The following CTNNA3 variants were observed in gnomAD, a reference collection of about 807,000 sequenced individuals.
CTNNA3 encodes catenin alpha-3.
A neutral mutation model predicts 95.7 loss-of-function variants in CTNNA3; 76 were observed. The observed-to-expected ratio is 0.79, with a 90% confidence interval of 0.66 to 0.96. CTNNA3 has a LOEUF of 0.96. CTNNA3 is among the 40% of genes least tolerant of loss of function. The pLI is 0.00. For missense variants in CTNNA3, 1,191 were observed against 1,089.8 expected, an observed-to-expected ratio of 1.09 and a Z score of -1.31; for synonymous variants, 431 against 374.4, an observed-to-expected ratio of 1.15 and a Z score of -1.74.
intron 7 of CTNNA3, among the ~76,000 whole-genome samples, chr10:66,840,338 TC>T (rs1486667866): frequency 9.4e-6 from 1 of 106,580 alleles, no homozygotes; most frequent in Non-Finnish European, 1.8e-5. Flanking sequence ...TCTCTCTCTC[TC>T]TCTCTCTCTC....
At chr10:66,296,245 CCT>C (rs1418935593) in intron 12 of CTNNA3, among the ~76,000 whole-genome samples, 2 of 151,808 alleles carry the variant, frequency 1.3e-5, no homozygotes, top group Admixed American at 6.6e-5. Flanking sequence ...ATGAAATTGC[CCT>C]GTCAGAATAT....
intron 7 of CTNNA3, among the ~76,000 whole-genome samples, chr10:66,867,710 T>C (rs938462240): frequency 1.3e-5 from 2 of 151,996 alleles, no homozygotes; most frequent in African/African-American, 4.8e-5. Flanking sequence ...AAAGCAAGTA[T>C]CAATGAACAA....
At chr10:67,551,282 G>A (rs1271117070) in intron 3 of CTNNA3, among the ~76,000 whole-genome samples, 1 of 152,156 alleles carries the variant, frequency 6.6e-6, no homozygotes, top group Non-Finnish European at 1.5e-5. Flanking sequence ...GACGTGAAGA[G>A]GACATCAAGA....
At chr10:67,099,662 A>T (rs1858222739) in intron 7 of CTNNA3, 1 of 152,244 alleles carries the variant, frequency 6.6e-6, no homozygotes, top group Admixed American at 6.6e-5. Context: ...AAATGTTGGA[A>T]GAAGCAAATT....
intron 7 of CTNNA3, among the ~76,000 whole-genome samples, chr10:66,832,388 G>T (rs1441675336): frequency 6.6e-6 from 1 of 152,066 alleles, no homozygotes; most frequent in Non-Finnish European, 1.5e-5. Context: ...ACCCTGCTGG[G>T]ATTTGTACCT....
rs1296624105 is a variant in CTNNA3, at chr10:67,740,822, G to T, written c.-2+22612C>A. On this transcript the variant is annotated intron_variant, in intron 1 of 17. Coordinates refer to the CTNNA3 transcript ENST00000684154. ...TCCCATTACTGGGTAAATATCCAAA[G>T]GACTATAAATCATGCTGCTATAAAG... 5.3e-5 allele frequency among the ~76,000 whole-genome samples: 8 copies of T among 151,292 alleles called. No individual in the cohort carries two copies. The Admixed American group carries it at 5.3e-4, about 10-fold the overall frequency.
chr10:66,161,140 G>C lies in CTNNA3; in HGVS notation c.1885-57891C>G, dbSNP rs575611751. Among the ~76,000 whole-genome samples the C allele has an allele frequency of 1.3e-4, 20 of 152,240 alleles. No homozygotes were observed. In the South Asian group the frequency reaches 4.1e-3, roughly 32 times the overall value. On this transcript the variant is annotated intron_variant, in intron 13 of 17. Transcript: ENST00000433211. ...GAGTCCTCATGCATTCTGCAGTTCT[G>C]TATTTTTTAAGTGGAGCATTTAGGC...
upstream of CTNNA3, among the ~76,000 whole-genome samples, chr10:67,698,672 A>C (rs552439905): frequency 2.0e-5 from 3 of 152,294 alleles, no homozygotes; most frequent in African/African-American, 7.2e-5. Flanking sequence ...TAATTTTCTG[A>C]ACAGCCATAA....
At chr10:66,274,091 G>A (rs951960357) in intron 13 of CTNNA3, among the ~76,000 whole-genome samples, 1 of 152,124 alleles carries the variant, frequency 6.6e-6, no homozygotes, top group East Asian at 1.9e-4. Context: ...CTAAGGCAAG[G>A]TTAGTAAACT....
chr10:66,557,310 A>G (rs934237406), intron 10 of CTNNA3, among the ~76,000 whole-genome samples: 9 of 152,122 alleles, frequency 5.9e-5, no homozygotes, highest in African/African-American at 1.7e-4. Flanking sequence ...ACAAGGCCCA[A>G]TAAAGTTGTT....
chr10:66,914,233 C>T (rs565739638), intron 7 of CTNNA3, among the ~76,000 whole-genome samples: 2 of 151,550 alleles, frequency 1.3e-5, no homozygotes, highest in African/African-American at 4.8e-5. Context: ...CAGGTTGACG[C>T]CATTCTCCTG....
intron 1 of CTNNA3, among the ~76,000 whole-genome samples, chr10:67,762,155 C>T (rs1303591865): frequency 7.0e-6 from 1 of 141,966 alleles, no homozygotes; most frequent in East Asian, 2.0e-4. Flanking sequence ...ATTTTGATCT[C>T]GGCTCATTCT....
chr10:67,731,481 C>A (rs1435511318), intron 1 of CTNNA3, among the ~76,000 whole-genome samples: 1 of 149,078 alleles, frequency 6.7e-6, no homozygotes, highest in Non-Finnish European at 1.5e-5. Flanking sequence ...ACTCTGTCTC[C>A]AAAAACAAAA....
chr10:66,869,443 C>T (rs141756680), intron 7 of CTNNA3, among the ~76,000 whole-genome samples: 3 of 151,972 alleles, frequency 2.0e-5, no homozygotes, highest in African/African-American at 7.2e-5. Context: ...TGTGGTGGTG[C>T]ACACCTGTAA....
intron 7 of CTNNA3, among the ~76,000 whole-genome samples, chr10:66,992,917 T>C (rs188916298): frequency 3.6e-4 from 55 of 152,260 alleles, no homozygotes; most frequent in African/African-American, 1.3e-3. Flanking sequence ...TGTATCCCGG[T>C]ACTATTATTA....
chr10:66,367,852 T>A (rs932291814), intron 12 of CTNNA3, among the ~76,000 whole-genome samples: 6 of 77,258 alleles, frequency 7.8e-5, no homozygotes, highest in African/African-American at 3.7e-4. Context: ...GCTTCTTTTA[T>A]AATAATAATA....
rs548212293 is a variant in CTNNA3 at position 67,557,518 on chromosome 10, C to T, written c.293-17849G>A. Among the ~76,000 whole-genome samples the T allele has an allele frequency of 4.7e-5, 7 of 148,576 alleles. No individual in the cohort carries two copies. The Admixed American group carries it at 4.7e-4, about 10-fold the overall frequency. On this transcript the variant is annotated intron_variant, in intron 3 of 17. Coordinates refer to ENST00000433211, the MANE Select transcript of CTNNA3 (RefSeq NM_013266.4). ...ATTGGTTGTGTGGGTGTACTTTGTT[C>T]TGCATAACTTTTTCATTATAAATTT...
At chr10:67,398,474 T>G (rs970500231) in intron 5 of CTNNA3, among the ~76,000 whole-genome samples, 15 of 152,346 alleles carry the variant, frequency 9.8e-5, no homozygotes, top group Admixed American at 9.1e-4. Context: ...GCTTTTGATT[T>G]TATAGGCTCA....
chr10:67,655,344 A>G, intron 1 of CTNNA3, among the ~76,000 whole-genome samples: 1 of 152,244 alleles, frequency 6.6e-6, no homozygotes, highest in Non-Finnish European at 1.5e-5. Context: ...TATTAATAGT[A>G]GGTGCCAATC....
Sources: gnomAD v4.1 joint callset for allele counts (sites outside exome capture counted in the v4.1 genomes callset) on GRCh38, gnomAD v4.1.1 for gene constraint, MANE v1.5 for transcripts, NCBI Gene and HGNC (gene_info 2026-07-23, HGNC 2026-07-21) for gene names.